Variants in KCNQ5 observed in about 807,000 individuals in gnomAD.
KCNQ5 encodes potassium voltage-gated channel subfamily KQT member 5.
Under a neutral mutation model 98.2 loss-of-function variants are expected in KCNQ5, and 30 were observed. The observed-to-expected ratio is 0.31, with a 90% CI of 0.23 to 0.41. KCNQ5 has a LOEUF of 0.41. Among genes scored for constraint, KCNQ5 ranks in the 10% least tolerant of loss-of-function variants. The pLI is 1.00. For synonymous variants in KCNQ5, 458 were observed against 449.4 expected (o/e 1.02, Z -0.24); for missense variants, 835 against 1,182.5 (o/e 0.71, Z 4.31).
intron 1 of KCNQ5, among the ~76,000 whole-genome samples, chr6:72,850,248 T>C (rs1582407646): frequency 1.3e-5 from 2 of 152,138 alleles, no homozygotes; most frequent in Admixed American, 1.3e-4. Context: ...CCAGTACAAA[T>C]GAAATATGAG....
chr6:73,105,845 T>A (rs73753246), intron 6 of KCNQ5, among the ~76,000 whole-genome samples: 2 of 152,166 alleles, frequency 1.3e-5, no homozygotes, highest in Non-Finnish European at 1.5e-5. Flanking sequence ...GTCATCATCA[T>A]TGATTTTTTT....
At chr6:72,702,045 C>T (rs1343593798) in intron 1 of KCNQ5, among the ~76,000 whole-genome samples, 4 of 152,128 alleles carry the variant, frequency 2.6e-5, no homozygotes, top group African/African-American at 9.6e-5. Context: ...AAATAAACTC[C>T]ATGTTACATC....
intron 1 of KCNQ5, among the ~76,000 whole-genome samples, chr6:72,962,577 T>C (rs1767428441): frequency 6.6e-6 from 1 of 152,106 alleles, no homozygotes; most frequent in South Asian, 2.1e-4. Flanking sequence ...ATGGTGGCCT[T>C]GAAAGGCAGC....
At chr6:72,917,332 A>T (rs563776652) in intron 1 of KCNQ5, among the ~76,000 whole-genome samples, 1 of 152,280 alleles carries the variant, frequency 6.6e-6, no homozygotes, top group East Asian at 1.9e-4. Flanking sequence ...TGTGAATGTA[A>T]TAACACTGTA....
At chr6:72,820,829 A>C (rs1343376023) in intron 1 of KCNQ5, among the ~76,000 whole-genome samples, 1 of 152,186 alleles carries the variant, frequency 6.6e-6, no homozygotes, top group South Asian at 2.1e-4. Flanking sequence ...GTGTTTATGA[A>C]TTTAGGATTT....
intron 1 of KCNQ5, among the ~76,000 whole-genome samples, chr6:72,870,050 T>G (rs1778141906): frequency 6.6e-6 from 1 of 152,232 alleles, no homozygotes; most frequent in South Asian, 2.1e-4. Flanking sequence ...ATGCTCATAC[T>G]GTAAAGTACA....
At chr6:72,950,621 T>C (rs1891395) in intron 1 of KCNQ5, among the ~76,000 whole-genome samples, 133,797 of 152,170 alleles carry the variant, frequency 0.88, 59,172 homozygotes, top group Non-Finnish European at 0.93. Flanking sequence ...GACCAAGATG[T>C]TTACACCTGC....
At chr6:72,677,829 G>C (rs1191741750) in intron 1 of KCNQ5, among the ~76,000 whole-genome samples, 16 of 152,184 alleles carry the variant, frequency 1.1e-4, no homozygotes, top group African/African-American at 2.9e-4. Flanking sequence ...TGAGTGAGCA[G>C]ACTTGTTTGC....
intron 3 of KCNQ5, among the ~76,000 whole-genome samples, chr6:73,047,807 C>T (rs1270970477): frequency 6.6e-6 from 1 of 152,084 alleles, no homozygotes; most frequent in East Asian, 1.9e-4. Context: ...ATCTCCTGTG[C>T]CCTTAGAGAA....
intron 1 of KCNQ5, among the ~76,000 whole-genome samples, chr6:72,923,605 A>G (rs1461789811): frequency 1.3e-5 from 2 of 152,214 alleles, no homozygotes; most frequent in African/African-American, 4.8e-5. Context: ...TTTTAGATAC[A>G]GAGGGTACAT....
intron 1 of KCNQ5, among the ~76,000 whole-genome samples, chr6:72,713,318 G>A (rs186820539): frequency 1.0e-3 from 153 of 152,226 alleles, no homozygotes; most frequent in Middle Eastern, 3.4e-3. Context: ...TTCCCCAGCC[G>A]TCATAAGTTC....
chr6:73,151,055 T>G (rs763810422), intron 10 of KCNQ5, among the ~76,000 whole-genome samples: 1 of 152,204 alleles, frequency 6.6e-6, no homozygotes, highest in Non-Finnish European at 1.5e-5. Context: ...TTTTGCAAGA[T>G]GTTACCATTG....
chr6:73,025,337 T>G (rs973305329), intron 2 of KCNQ5, among the ~76,000 whole-genome samples: 1 of 152,068 alleles, frequency 6.6e-6, no homozygotes, highest in Non-Finnish European at 1.5e-5. Context: ...ATAAAAACAC[T>G]TCAGCCGGGA....
chr6:73,026,020 C>T lies in KCNQ5; in HGVS notation c.490-15916C>T, dbSNP rs1738857823. Among the ~76,000 whole-genome samples the T allele has an allele frequency of 1.3e-5, 2 of 152,176 alleles. 1 individual carries two copies. The highest frequency in any genetic ancestry group is 4.1e-4 in the South Asian group (2 of 4,820). The stretch of plus-strand genomic sequence containing the variant: ...CTTGTTCTTAGCTTAGATTCTCATT[C>T]CTATTCCCTTGCCTAGAATAGACAC... On this transcript the variant is annotated intron_variant, in intron 2 of 13. Transcript: ENST00000370398.
chr6:72,707,141 G>A (rs1432786754), intron 1 of KCNQ5, among the ~76,000 whole-genome samples: 6 of 152,096 alleles, frequency 3.9e-5, no homozygotes, highest in Non-Finnish European at 7.4e-5. Flanking sequence ...AATGCTTTTG[G>A]CTATGCGTGC....
At chr6:72,945,105 A>G (rs1766473908) in intron 1 of KCNQ5, among the ~76,000 whole-genome samples, 1 of 152,204 alleles carries the variant, frequency 6.6e-6, no homozygotes, top group African/African-American at 2.4e-5. Flanking sequence ...TCCTTTGAAC[A>G]TACAAGGAAA....
At chr6:72,886,749 T>C (rs1778859900) in intron 1 of KCNQ5, among the ~76,000 whole-genome samples, 2 of 152,162 alleles carry the variant, frequency 1.3e-5, no homozygotes, top group South Asian at 4.1e-4. Flanking sequence ...TATAGAAGAC[T>C]GAAATAATTA....
At chr6:73,027,583 T>C (rs1340736300) in intron 2 of KCNQ5, among the ~76,000 whole-genome samples, 8 of 152,234 alleles carry the variant, frequency 5.3e-5, no homozygotes, top group Non-Finnish European at 1.2e-4. Context: ...ATTAATGAGA[T>C]GGCTTGATTG....
intron 1 of KCNQ5, among the ~76,000 whole-genome samples, chr6:72,971,477 C>G (rs1308934692): frequency 6.6e-6 from 1 of 152,124 alleles, no homozygotes; most frequent in Non-Finnish European, 1.5e-5. Context: ...ACCATTTGAC[C>G]CAGCCATCCC....
Sources: allele counts gnomAD v4.1 joint callset (sites outside exome capture counted in the v4.1 genomes callset), GRCh38; gene constraint gnomAD v4.1.1; transcripts MANE v1.5; gene names NCBI Gene and HGNC (gene_info 2026-07-23, HGNC 2026-07-21).